XRRA1: variants seen among roughly 807,000 people sequenced by gnomAD.
XRRA1 encodes the protein X-ray radiation resistance associated 1.
In XRRA1, 69 loss-of-function variants were observed where a neutral mutation model predicts 80.2. The observed-to-expected ratio is 0.86, with a 90% CI of 0.71 to 1.05. The LOEUF (loss-of-function observed/expected upper bound fraction) is 1.05, where lower values mean the gene tolerates loss of function less well. Ranked by LOEUF, XRRA1 falls within the 50% of genes least tolerant of loss-of-function variation. XRRA1 has a pLI of 0.00. For synonymous variants in XRRA1, 348 were observed against 389.9 expected, an observed-to-expected ratio of 0.89 and a Z score of 1.27; for missense variants, 967 against 976.4, an observed-to-expected ratio of 0.99 and a Z score of 0.13.
intron 12 of XRRA1, among the ~76,000 whole-genome samples, chr11:74,857,398 CATAATTT>C (rs1441343639): frequency 6.6e-6 from 1 of 151,612 alleles, no homozygotes; most frequent in Non-Finnish European, 1.5e-5. Context: ...AAAGGCAACT[CATAATTT>C]ATAAAAGTAT....
In XRRA1 at chr11:74,844,236, G is replaced by T. The variant is rs2037369344; in HGVS notation, c.1975C>A (p.Leu659Ile). 2 of 1,613,792 alleles carry T rather than the reference G, an allele frequency of 1.2e-6. No individual in the cohort carries two copies. The highest frequency in any genetic ancestry group is 1.7e-6 in the Non-Finnish European group (2 of 1,179,870). Reference sequence around the variant, plus strand: ...TTGGGCTTGGAGGAGTGGCACAGGAGTGGGTGCTTCAGCATTTGTTGCAGG... The same window carrying T: ...TTGGGCTTGGAGGAGTGGCACAGGATTGGGTGCTTCAGCATTTGTTGCAGG... ...QALQQMLKHPLLCHSSKPKLD... is the reference protein window; with the variant it reads ...QALQQMLKHPILCHSSKPKLD... Residue 659 changes from leucine (L) to isoleucine (I), a missense_variant, in exon 17 of 19, where the codon CTC (leucine) becomes ATC (isoleucine). Transcript: ENST00000684022.
intron 10 of XRRA1, among the ~76,000 whole-genome samples, chr11:74,893,063 C>T (rs1326775769): frequency 6.6e-6 from 1 of 152,162 alleles, no homozygotes; most frequent in African/African-American, 2.4e-5. Context: ...TGGGTATATA[C>T]CCAAAGGATT....
intron 8 of XRRA1, 37 bp downstream of exon 8, chr11:74,921,177 C>CA (rs924322251): frequency 6.2e-6 from 10 of 1,606,742 alleles, no homozygotes; most frequent in Non-Finnish European, 8.5e-6. Context: ...TATTTGTACA[C>CA]AAAAACACAG....
At chr11:74,887,747 C>G (rs1458057254) in intron 10 of XRRA1, among the ~76,000 whole-genome samples, 1 of 152,184 alleles carries the variant, frequency 6.6e-6, no homozygotes, top group East Asian at 1.9e-4. Context: ...TTCCAACAGT[C>G]TTAGCAAACG....
At chr11:74,889,367 C>G (rs2050006049) in intron 10 of XRRA1, among the ~76,000 whole-genome samples, 1 of 152,180 alleles carries the variant, frequency 6.6e-6, no homozygotes, top group African/African-American at 2.4e-5. Flanking sequence ...GAGATTTTGT[C>G]ACCACCAGGC....
chr11:74,927,464 A>C lies in XRRA1; in HGVS notation c.449T>G (p.Leu150Arg). ...PLEAFHTFPA[L>R]KELDLAFNGI... The stretch of plus-strand genomic sequence containing the variant: ...ATTAAATGCGAGATCCAGTTCCTTT[A>C]GGGCTGGAAACGTGTGAAATGCCTC... Residue 150 changes from leucine (L) to arginine (R), a missense_variant, in exon 7 of 19, where the codon CTA (leucine) becomes CGA (arginine). Leu to Arg is a moderately radical substitution (Grantham distance 102). Coordinates refer to ENST00000684022, the MANE Select transcript of XRRA1 (RefSeq NM_001378157.1). The C allele has an allele frequency of 6.2e-7, 1 of 1,612,880 alleles. No individual in the cohort carries two copies. The highest frequency in any genetic ancestry group is 2.2e-5 in the East Asian group (1 of 44,886).
chr11:74,853,451 A>C (rs1353129610), intron 12 of XRRA1, among the ~76,000 whole-genome samples: 2 of 152,196 alleles, frequency 1.3e-5, no homozygotes, highest in African/African-American at 2.4e-5. Flanking sequence ...TGCTACTTCT[A>C]TGCACAGTCT....
intron 8 of XRRA1, chr11:74,919,566 A>C: frequency 2.3e-6 from 1 of 440,960 alleles, no homozygotes; most frequent in Non-Finnish European, 4.4e-6. Context: ...CTACCTAAGA[A>C]TGAAGCCGGG....
intron 12 of XRRA1, among the ~76,000 whole-genome samples, chr11:74,855,471 T>C (rs982638166): frequency 1.3e-5 from 2 of 152,222 alleles, no homozygotes; most frequent in African/African-American, 4.8e-5. Flanking sequence ...CTGAAAGGTA[T>C]GGGCTTAGGA....
intron 10 of XRRA1, among the ~76,000 whole-genome samples, chr11:74,886,547 TA>T (rs369764587): frequency 0.07 from 10,295 of 146,996 alleles, 426 homozygotes; most frequent in African/African-American, 0.097. Flanking sequence ...AAACACGGCT[TA>T]AAAAAAAAAA....
intron 7 of XRRA1, among the ~76,000 whole-genome samples, chr11:74,925,846 C>T (rs757697549): frequency 9.9e-5 from 15 of 152,106 alleles, no homozygotes; most frequent in Non-Finnish European, 1.6e-4. Flanking sequence ...CATGGTACAA[C>T]GCACAACACA....
chr11:74,863,169 G>A (rs1289057358), intron 10 of XRRA1, 148 bp from the exon 11 acceptor site: 1 of 734,830 alleles, frequency 1.4e-6, no homozygotes, highest in East Asian at 2.7e-5. Flanking sequence ...TGCTAACTAG[G>A]AAGAGGAGCT....
At position 74,932,606 on chromosome 11, in the gene XRRA1, G is replaced by T. The variant is rs376277249; in HGVS notation, c.351+1195C>A. 9.2e-5 allele frequency among the ~76,000 whole-genome samples: 14 copies of T among 152,264 alleles called. No individual in the cohort carries two copies. The East Asian group carries it at 2.1e-3, about 23-fold the overall frequency. ...GAAGAACATACGGTATCCAATGAGG[G>T]GACTGAGCTTTGACCAGCCATGTTG... On this transcript the variant is annotated intron_variant, in intron 5 of 18. Coordinates refer to ENST00000684022, the MANE Select transcript of XRRA1 (RefSeq NM_001378157.1).
intron 14 of XRRA1, among the ~76,000 whole-genome samples, chr11:74,850,101 C>T (rs2039386711): frequency 6.6e-6 from 1 of 152,184 alleles, no homozygotes; most frequent in African/African-American, 2.4e-5. Flanking sequence ...TCATTTAGCT[C>T]AAAGGTTAGT....
intron 10 of XRRA1, among the ~76,000 whole-genome samples, chr11:74,889,279 C>G (rs370296536): frequency 6.6e-6 from 1 of 152,088 alleles, no homozygotes; most frequent in African/African-American, 2.4e-5. Context: ...AATTTTCAAC[C>G]CAGAATTTCA....
rs767905654 is a variant in XRRA1 at position 74,930,286 on chromosome 11, A to C, written c.424+14T>G. 22 of 1,555,678 alleles carry C rather than the reference A, an allele frequency of 1.4e-5. No individual in the cohort carries two copies. In the Admixed American group the frequency reaches 4.2e-4, roughly 30 times the overall value. On this transcript the variant is annotated intron_variant, in intron 6 of 18. Coordinates refer to ENST00000684022, the MANE Select transcript of XRRA1 (RefSeq NM_001378157.1). ...AAGAGGAGGAAGAGAGCTTTCAAGA[A>C]AGAAAAAGCTTACCTAGAGGCAGCA...
chr11:74,863,727 T>C (rs1382895514), intron 10 of XRRA1: 1 of 152,206 alleles, frequency 6.6e-6, no homozygotes, highest in Non-Finnish European at 1.5e-5. Context: ...GTTAATGATA[T>C]TATAATGAGA....
In XRRA1 at chr11:74,949,038, T is replaced by G. The variant is rs61745466; in HGVS notation, c.-183A>C. The G allele has an allele frequency of 5.4e-3, 2,062 of 384,456 alleles. 36 individuals are homozygous for G. The highest frequency in any genetic ancestry group is 0.035 in the African/African-American group (1,671 of 47,178). The allele number at this position is 384,456 out of a possible 1,614,324, so 23.8% of individuals were successfully genotyped here. A position where few individuals can be genotyped will look rare whatever the true frequency, so the allele number is the denominator to read the frequency against. On this transcript the variant is annotated 5_prime_UTR_variant, in exon 1 of 19. Transcript: ENST00000684022. Reference sequence around the variant, plus strand: ...GGATCTCGGAGCCGCTCCACTGCGGTGCCTGCCGCTATCTTCCCCACGCCT... The same window carrying G: ...GGATCTCGGAGCCGCTCCACTGCGGGGCCTGCCGCTATCTTCCCCACGCCT...
chr11:74,902,402 A>T (rs1027777845), intron 10 of XRRA1, among the ~76,000 whole-genome samples: 5 of 152,236 alleles, frequency 3.3e-5, no homozygotes, highest in African/African-American at 9.6e-5. Context: ...TGATCCAGCA[A>T]TCCCAATGCT....
Sources: allele counts gnomAD v4.1 joint callset (sites outside exome capture counted in the v4.1 genomes callset), GRCh38; gene constraint gnomAD v4.1.1; transcripts MANE v1.5; gene names NCBI Gene and HGNC (gene_info 2026-07-23, HGNC 2026-07-21).